The following PRKCE variants were observed in gnomAD, a reference collection of about 807,000 sequenced individuals.
PRKCE encodes the protein protein kinase C epsilon type.
A neutral mutation model predicts 85.4 loss-of-function variants in PRKCE; 16 were observed. The ratio of observed to expected loss-of-function variants is 0.19; its 90% confidence interval spans 0.13 to 0.28. The LOEUF is 0.28. Among genes scored for constraint, PRKCE ranks in the 10% least tolerant of loss-of-function variants. PRKCE has a pLI of 1.00. For synonymous variants in PRKCE, 388 were observed against 371.5 expected (o/e 1.04, Z -0.51); for missense variants, 573 against 975.2 (o/e 0.59, Z 5.49).
chr2:45,997,919 A>G (rs1483436925), intron 6 of PRKCE, among the ~76,000 whole-genome samples: 1 of 152,130 alleles, frequency 6.6e-6, no homozygotes, highest in Non-Finnish European at 1.5e-5. Flanking sequence ...CTCATATGCT[A>G]TTTAGCAATG....
At chr2:46,110,452 C>A (rs1285887308) in intron 11 of PRKCE, among the ~76,000 whole-genome samples, 1 of 152,154 alleles carries the variant, frequency 6.6e-6, no homozygotes, top group African/African-American at 2.4e-5. Context: ...TGGCCCATTT[C>A]ATTTAGTTAT....
intron 2 of PRKCE, among the ~76,000 whole-genome samples, chr2:45,966,043 G>C (rs148855533): frequency 4.5e-4 from 69 of 152,232 alleles, no homozygotes; most frequent in African/African-American, 1.6e-3. Context: ...ACACAGTTGG[G>C]TACAAGTGGG....
chr2:46,016,628 G>A (rs996787947), intron 10 of PRKCE, among the ~76,000 whole-genome samples: 1 of 152,082 alleles, frequency 6.6e-6, no homozygotes, highest in African/African-American at 2.4e-5. Flanking sequence ...GCCCTGACTG[G>A]CTAGGTGCAG....
chr2:45,744,418 TTTCTTTCTTTC>T (rs1325719911), intron 1 of PRKCE, among the ~76,000 whole-genome samples: 44 of 10,236 alleles, frequency 4.3e-3, no homozygotes, highest in South Asian at 0.032. Flanking sequence ...TTTTCTTTTC[TTTCTTTCTTTC>T]TTTCTTTCTT....
Position 45,976,431 on chromosome 2 carries a change from C to G in PRKCE, c.415C>G (p.Pro139Ala), listed in dbSNP as rs1702459645. ...TCCCTGCTCTTGTCCTTCCCCAGCC[C>G]CTAAAGACAATGAAGAGCGTGTGTT... ...IDLSGSSGEA[P>A]KDNEERVFRE... is the part of the protein sequence containing the mutation. The change falls in exon 3 of 15, where the codon CCT becomes GCT. Residue 139 changes from proline to alanine, a missense_variant and splice_region_variant. This residue lies in a region of PRKCE where 33 missense variants were observed against 33.7 expected (regional missense o/e 0.98). Transcript: ENST00000306156. 2 of 1,599,508 alleles carry G rather than the reference C, an allele frequency of 1.3e-6. No individual in the cohort carries two copies. The highest frequency in any genetic ancestry group is 2.2e-5 in the South Asian group (2 of 91,070).
At position 45,951,626 on chromosome 2, in the gene PRKCE, G is replaced by A. The variant is rs115170972; in HGVS notation, c.413-24803G>A. 9.5e-3 allele frequency among the ~76,000 whole-genome samples: 1,450 copies of A among 152,276 alleles called. 21 individuals are homozygous for A. The highest frequency in any genetic ancestry group is 0.033 in the African/African-American group (1,363 of 41,532). On this transcript the variant is annotated intron_variant, in intron 2 of 14. Transcript: ENST00000306156. ...CCAATGCAGCATCTCACAAAATGAG[G>A]GCCCCAGCTGAGCCAATGCAACTCT...
chr2:46,023,014 C>T (rs541708434), intron 10 of PRKCE, among the ~76,000 whole-genome samples: 10 of 141,268 alleles, frequency 7.1e-5, no homozygotes, highest in Non-Finnish European at 1.0e-4. Flanking sequence ...ACCCGGGAAG[C>T]GGAGCTTGCA....
At chr2:45,916,113 G>A (rs999414690) in intron 2 of PRKCE, among the ~76,000 whole-genome samples, 1 of 151,962 alleles carries the variant, frequency 6.6e-6, no homozygotes, top group East Asian at 1.9e-4. Flanking sequence ...AGGGTGTGGT[G>A]TCTGATGGAT....
At chr2:46,057,522 C>T (rs1425431322) in intron 10 of PRKCE, among the ~76,000 whole-genome samples, 3 of 151,800 alleles carry the variant, frequency 2.0e-5, no homozygotes, top group African/African-American at 2.4e-5. Flanking sequence ...GCAACCTCCA[C>T]CTCCCAGGTT....
At chr2:45,706,477 G>A (rs902580280) in intron 1 of PRKCE, among the ~76,000 whole-genome samples, 2 of 152,188 alleles carry the variant, frequency 1.3e-5, no homozygotes, top group Non-Finnish European at 2.9e-5. Context: ...GGAACTTGAA[G>A]CAGTGTTTGT....
chr2:45,937,710 G>A (rs1018332776), intron 2 of PRKCE, among the ~76,000 whole-genome samples: 5 of 151,026 alleles, frequency 3.3e-5, no homozygotes, highest in Non-Finnish European at 5.9e-5. Context: ...GTGAGACTCC[G>A]TCTCAAAGAA....
intron 11 of PRKCE, among the ~76,000 whole-genome samples, chr2:46,094,751 A>G (rs558380908): frequency 4.6e-5 from 7 of 152,038 alleles, no homozygotes; most frequent in Non-Finnish European, 1.0e-4. Flanking sequence ...ATTTACCTGT[A>G]TAACAAACAT....
Position 46,127,047 on chromosome 2 carries a change from G to T in PRKCE, c.1593-18046G>T, listed in dbSNP as rs184362364. ...CCAGACCCTTGGCCTAGGAGTTCAG[G>T]GGCAAATGCAGAAAAAGGAAAGCTT... is the stretch of plus-strand genomic sequence containing the variant. On this transcript the variant is annotated intron_variant, in intron 11 of 14. Coordinates refer to ENST00000306156, the MANE Select transcript of PRKCE (RefSeq NM_005400.3). 5.0e-4 allele frequency among the ~76,000 whole-genome samples: 76 copies of T among 152,252 alleles called. No homozygotes were observed. The Middle Eastern group carries it at 0.014, about 27-fold the overall frequency.
Position 46,187,585 on chromosome 2 carries a change from G to C in PRKCE, c.*2704G>C, listed in dbSNP as rs535539894. On this transcript the variant is annotated 3_prime_UTR_variant, in exon 15 of 15. Transcript: ENST00000306156. ...TCTCTCAAAGAAAAAAAAAATGGGA[G>C]TGCAAAAAAAACAAAGCCAAAAAAT... The C allele has an allele frequency of 6.6e-6, 1 of 151,764 alleles. No homozygotes were observed. The highest frequency in any genetic ancestry group is 1.9e-4 in the East Asian group (1 of 5,140). 9.4% of individuals were successfully genotyped at this position (151,764 alleles called of 1,614,324 possible).
chr2:45,687,415 C>G (rs1279488445), intron 1 of PRKCE, among the ~76,000 whole-genome samples: 1 of 152,110 alleles, frequency 6.6e-6, no homozygotes, highest in Non-Finnish European at 1.5e-5. Context: ...GAATGATAAA[C>G]ATAAAAACAT....
intron 1 of PRKCE, among the ~76,000 whole-genome samples, chr2:45,671,284 A>T (rs1277290643): frequency 6.6e-6 from 1 of 152,200 alleles, no homozygotes; most frequent in Non-Finnish European, 1.5e-5. Context: ...TCAGGACAAG[A>T]CCCAGGGAAG....
chr2:45,976,989 C>T (rs1289040546), intron 3 of PRKCE, among the ~76,000 whole-genome samples: 1 of 151,692 alleles, frequency 6.6e-6, no homozygotes, highest in African/African-American at 2.4e-5. Context: ...CTCTGTCTCC[C>T]AGGTTCAAGT....
At chr2:46,169,803 C>T (rs955534399) in intron 14 of PRKCE, among the ~76,000 whole-genome samples, 2 of 152,064 alleles carry the variant, frequency 1.3e-5, no homozygotes, top group Admixed American at 6.6e-5. Context: ...GGGTGTTCAA[C>T]CAAATAATTG....
chr2:45,908,581 T>G (rs191619991), intron 2 of PRKCE, among the ~76,000 whole-genome samples: 247 of 152,334 alleles, frequency 1.6e-3, no homozygotes, highest in Non-Finnish European at 2.7e-3. Flanking sequence ...ATGCTGCTGT[T>G]TGTGGACCTC....
Sources: allele counts gnomAD v4.1 joint callset (sites outside exome capture counted in the v4.1 genomes callset), GRCh38; gene constraint gnomAD v4.1.1; regional missense constraint gnomAD v4.1.1; transcripts MANE v1.5; gene names NCBI Gene and HGNC (gene_info 2026-07-23, HGNC 2026-07-21).